Variants in PADI6 observed in about 807,000 individuals in gnomAD.
PADI6 encodes the protein inactive protein-arginine deiminase type-6.
PADI6 carries 66 observed loss-of-function variants against 78.2 expected under a neutral mutation model. The ratio of observed to expected loss-of-function variants is 0.84; its 90% CI spans 0.69 to 1.04. The LOEUF (loss-of-function observed/expected upper bound fraction) is 1.04. Ranked by LOEUF, PADI6 falls within the 50% of genes least tolerant of loss-of-function variation. PADI6 has a pLI of 0.00. For missense variants in PADI6, 854 were observed against 866.1 expected (o/e 0.99, Z 0.18); for synonymous variants, 397 against 346.9 (o/e 1.14, Z -1.60).
intron 6 of PADI6, among the ~76,000 whole-genome samples, chr1:17,387,545 C>CA (rs1051187175): frequency 7.9e-5 from 12 of 151,992 alleles, no homozygotes; most frequent in Non-Finnish European, 1.5e-4. Context: ...GTCAGGAGAT[C>CA]AAGACCATCC....
chr1:17,388,742 A>C, intron 7 of PADI6, 35 bp from the exon 8 acceptor site: 1 of 1,591,818 alleles, frequency 6.3e-7, no homozygotes, highest in Non-Finnish European at 8.6e-7. Context: ...GTAAATGTGG[A>C]AGCAGGTTGC....
At position 17,373,045 on chromosome 1, in the gene PADI6, G is replaced by A. The variant is rs561300160; in HGVS notation, c.117-11G>A. ...TGTGCCCTGACGCGTGTCTCTTACCGGGCAAACCAGGTGTGCCCCCCAGAA... is the reference window on the plus strand; with the variant it reads ...TGTGCCCTGACGCGTGTCTCTTACCAGGCAAACCAGGTGTGCCCCCCAGAA... On this transcript the variant is annotated splice_polypyrimidine_tract_variant and intron_variant, in intron 1 of 15. Coordinates refer to ENST00000619609, the MANE Select transcript of PADI6 (RefSeq NM_207421.4). The A allele has an allele frequency of 1.1e-5, 17 of 1,611,828 alleles. No homozygotes were observed. The highest frequency in any genetic ancestry group is 4.0e-5 in the African/African-American group (3 of 74,976).
At chr1:17,380,399 G>A (rs1016863472) in intron 4 of PADI6, among the ~76,000 whole-genome samples, 8 of 148,390 alleles carry the variant, frequency 5.4e-5, no homozygotes, top group African/African-American at 1.5e-4. Flanking sequence ...ACGGAGTCTC[G>A]CTCTGTTGCC....
At position 17,401,326 on chromosome 1, in the gene PADI6, G is replaced by T. The variant is rs755172517; in HGVS notation, c.1973G>T (p.Cys658Phe). The change falls in exon 16 of 16, where the codon TGC (cysteine) becomes TTC (phenylalanine). Residue 658 changes from cysteine to phenylalanine, a missense_variant. By Grantham distance (205) the Cys-to-Phe change is radical (BLOSUM62 -2). Coordinates refer to ENST00000619609, the MANE Select transcript of PADI6 (RefSeq NM_207421.4). ...CCLLEPLGFKCTFINDFDCYL... is the reference protein window; with the variant it reads ...CCLLEPLGFKFTFINDFDCYL... ...TTGCTGGAGCCCCTGGGCTTCAAGT[G>T]CACCTTCATCAATGACTTTGACTGT... 3 of 1,614,088 alleles carry T rather than the reference G, an allele frequency of 1.9e-6. No homozygotes were observed. Among genetic ancestry groups the T allele is most frequent in the Non-Finnish European group, 2.5e-6 (3 of 1,179,912 alleles).
At chr1:17,379,122 T>C (rs2075047735) in intron 3 of PADI6, among the ~76,000 whole-genome samples, 1 of 134,398 alleles carries the variant, frequency 7.4e-6, no homozygotes, top group Non-Finnish European at 1.5e-5. Context: ...TTTTTTTTTT[T>C]TTTTTTTTTT....
At chr1:17,381,944 C>T (rs965556589) in intron 5 of PADI6, 23 bp from the exon 6 acceptor site, 2 of 1,613,200 alleles carry the variant, frequency 1.2e-6, no homozygotes, top group East Asian at 4.5e-5. Context: ...CATTCCTTAA[C>T]CTTTGCTTTG....
In PADI6 at chr1:17,401,563, G is replaced by T. The variant is rs959853043; in HGVS notation, c.*125G>T. 3.3e-6 allele frequency: 3 copies of T among 916,986 alleles called. No individual in the cohort carries two copies. In the African/African-American group the frequency reaches 5.0e-5, roughly 15 times the overall value. 56.8% of individuals were successfully genotyped at this position (916,986 alleles called of 1,614,324 possible). On this transcript the variant is annotated 3_prime_UTR_variant, in exon 16 of 16. Coordinates refer to ENST00000619609, the MANE Select transcript of PADI6 (RefSeq NM_207421.4). ...CAGGCAACAGAACCCTTTCTTCCCT[G>T]TCTGCCCCGACCGACCCTCGGACCC...
At chr1:17,378,456 CAAAT>C (rs997181777) in intron 3 of PADI6, among the ~76,000 whole-genome samples, 4 of 152,112 alleles carry the variant, frequency 2.6e-5, no homozygotes, top group African/African-American at 9.7e-5. Flanking sequence ...ATCAGCATGT[CAAAT>C]AATGAGCTGT....
At chr1:17,384,936 G>T (rs1029701542) in intron 6 of PADI6, among the ~76,000 whole-genome samples, 1 of 152,340 alleles carries the variant, frequency 6.6e-6, no homozygotes, top group East Asian at 1.9e-4. Flanking sequence ...GGGCCAGCAC[G>T]CAGTCGAGCG....
intron 2 of PADI6, 126 bp from the exon 3 acceptor site, chr1:17,375,301 G>T (rs2075004187): frequency 2.4e-6 from 2 of 839,856 alleles, no homozygotes; most frequent in Admixed American, 4.5e-5. Flanking sequence ...CAGCTCATAG[G>T]TGAGACTTCA....
rs903079267 is a variant in PADI6, at chr1:17,388,900, A to G, written c.962+20A>G. ...GTGCAGGTGAGAGACCATCAGGCTGACTGTGCCAGGCGGTTCTCATAACTG... is the reference window on the plus strand; with the variant it reads ...GTGCAGGTGAGAGACCATCAGGCTGGCTGTGCCAGGCGGTTCTCATAACTG... On this transcript the variant is annotated intron_variant, in intron 8 of 15. Transcript: ENST00000619609. The G allele has an allele frequency of 6.3e-7, 1 of 1,598,152 alleles. No individual in the cohort carries two copies.
chr1:17,380,147 C>CAA (rs2100294054), intron 4 of PADI6, among the ~76,000 whole-genome samples, 160 bp downstream of exon 4: 1 of 152,254 alleles, frequency 6.6e-6, no homozygotes, highest in South Asian at 2.1e-4. Context: ...TGTCACGGTA[C>CAA]AAGTCAGAGC....
At chr1:17,374,414 T>C (rs745997419) in intron 2 of PADI6, among the ~76,000 whole-genome samples, 1 of 151,842 alleles carries the variant, frequency 6.6e-6, no homozygotes, top group African/African-American at 2.4e-5. Context: ...TCACCTGAGG[T>C]CGGGAGTTTG....
At chr1:17,376,390 C>G (rs903543443) in intron 3 of PADI6, among the ~76,000 whole-genome samples, 1 of 151,976 alleles carries the variant, frequency 6.6e-6, no homozygotes, top group Admixed American at 6.6e-5. Context: ...CATTCCACCT[C>G]CCAGGTTCAC....
intron 14 of PADI6, 62 bp from the exon 15 acceptor site, chr1:17,398,624 T>C: frequency 9.5e-7 from 1 of 1,054,344 alleles, no homozygotes; most frequent in South Asian, 1.6e-5. Flanking sequence ...AAACTGGTTT[T>C]AATTCCTGAT....
chr1:17,383,055 T>G (rs530667153), intron 6 of PADI6, among the ~76,000 whole-genome samples: 27 of 152,334 alleles, frequency 1.8e-4, no homozygotes, highest in African/African-American at 5.8e-4. Flanking sequence ...AGTGCTGGGA[T>G]TACAGGTGTG....
At chr1:17,398,958 A>G in intron 15 of PADI6, 111 bp downstream of exon 15, 1 of 1,165,236 alleles carries the variant, frequency 8.6e-7, no homozygotes, top group Admixed American at 2.2e-5. Flanking sequence ...AACGGTACCT[A>G]TGAGGAAATG....
chr1:17,378,492 C>T (rs146350722), intron 3 of PADI6, among the ~76,000 whole-genome samples: 35 of 152,266 alleles, frequency 2.3e-4, no homozygotes, highest in African/African-American at 5.8e-4. Flanking sequence ...CACACTGGAG[C>T]GACGTGGTTG....
At chr1:17,377,197 A>G (rs890458203) in intron 3 of PADI6, among the ~76,000 whole-genome samples, 1 of 151,922 alleles carries the variant, frequency 6.6e-6, no homozygotes, top group Non-Finnish European at 1.5e-5. Flanking sequence ...CATATTGCCC[A>G]GCCTGGTCTC....
Sources: allele counts gnomAD v4.1 joint callset (sites outside exome capture counted in the v4.1 genomes callset), GRCh38; gene constraint gnomAD v4.1.1; transcripts MANE v1.5; gene names NCBI Gene and HGNC (gene_info 2026-07-23, HGNC 2026-07-21).